ZNRF3: variants seen among roughly 807,000 people sequenced by gnomAD.
ZNRF3 encodes the protein E3 ubiquitin-protein ligase ZNRF3.
ZNRF3 carries 23 observed loss-of-function variants against 72.5 expected under a neutral mutation model. The observed-to-expected ratio is 0.32, with a 90% CI of 0.23 to 0.45. The LOEUF (loss-of-function observed/expected upper bound fraction) is 0.45, where lower values mean the gene tolerates loss of function less well. ZNRF3 is among the 20% of genes least tolerant of loss of function. The pLI is 1.00. For synonymous variants in ZNRF3, 610 were observed against 545.3 expected (o/e 1.12, Z -1.65); for missense variants, 1,169 against 1,272.1 (o/e 0.92, Z 1.23).
At chr22:29,027,865 T>C (rs1358375415) in intron 2 of ZNRF3, among the ~76,000 whole-genome samples, 1 of 152,150 alleles carries the variant, frequency 6.6e-6, no homozygotes, top group African/African-American at 2.4e-5. Context: ...GCTCTTCCAC[T>C]ATAGCAGTGC....
rs745787026 is a variant in ZNRF3 at position 29,042,586 on chromosome 22, A to T, written c.501+17A>T. On this transcript the variant is annotated intron_variant, in intron 3 of 8. Coordinates refer to ENST00000544604, the MANE Select transcript of ZNRF3 (RefSeq NM_001206998.2). ...ATTGATCAGGTAAGCTCCTCAGGCCATGCCAACACTGCAGCCTCCCTGAGA... is the reference window on the plus strand; with the variant it reads ...ATTGATCAGGTAAGCTCCTCAGGCCTTGCCAACACTGCAGCCTCCCTGAGA... 3 of 1,611,692 alleles carry T rather than the reference A, an allele frequency of 1.9e-6. No individual in the cohort carries two copies. Among genetic ancestry groups the T allele is most frequent in the South Asian group, 2.2e-5 (2 of 90,922 alleles).
chr22:28,917,126 G>A (rs966884169), intron 1 of ZNRF3, among the ~76,000 whole-genome samples: 2 of 152,162 alleles, frequency 1.3e-5, no homozygotes, highest in Admixed American at 6.5e-5. Context: ...GCCTAGAAGC[G>A]TCGGCCAGGT....
At chr22:29,051,007 T>G in intron 8 of ZNRF3, 59 bp downstream of exon 8, 1 of 1,483,986 alleles carries the variant, frequency 6.7e-7, no homozygotes, top group Non-Finnish European at 8.9e-7. Context: ...TCGTCTTGTC[T>G]TCTGTCTTAG....
chr22:29,033,626 G>A (rs1170220588), intron 2 of ZNRF3, among the ~76,000 whole-genome samples: 2 of 152,176 alleles, frequency 1.3e-5, no homozygotes, highest in East Asian at 3.9e-4. Flanking sequence ...CTGGTGTCCT[G>A]GCCAGGGTGG....
chr22:29,045,557 C>T (rs752730770), intron 5 of ZNRF3, among the ~76,000 whole-genome samples: 29 of 152,222 alleles, frequency 1.9e-4, no homozygotes, highest in African/African-American at 6.0e-4. Context: ...GGCATGATCT[C>T]GGCTCACTGC....
intron 1 of ZNRF3, among the ~76,000 whole-genome samples, chr22:28,937,173 TAATATATATA>T (rs2034836057): frequency 1.0e-5 from 1 of 95,516 alleles, no homozygotes; most frequent in African/African-American, 5.6e-5. Context: ...TTCTCTCTTA[TAATATATATA>T]TATATATATA....
intron 1 of ZNRF3, among the ~76,000 whole-genome samples, chr22:28,885,433 T>TA (rs370775745): frequency 6.3e-4 from 96 of 152,218 alleles, no homozygotes; most frequent in African/African-American, 2.2e-3. Context: ...CTTTTGGACT[T>TA]AAAAAAAGTT....
chr22:28,996,559 T>C (rs978890391), intron 2 of ZNRF3, among the ~76,000 whole-genome samples: 3 of 152,212 alleles, frequency 2.0e-5, no homozygotes, highest in Non-Finnish European at 4.4e-5. Context: ...AGAGCTTAGC[T>C]GGGTTAGAGA....
chr22:28,954,520 C>T (rs1414280915), intron 1 of ZNRF3, among the ~76,000 whole-genome samples: 1 of 152,178 alleles, frequency 6.6e-6, no homozygotes, highest in African/African-American at 2.4e-5. Context: ...CCAATTCAGT[C>T]CACAGCAGTC....
At chr22:29,016,030 C>A (rs6005957) in intron 2 of ZNRF3, among the ~76,000 whole-genome samples, 73,665 of 136,684 alleles carry the variant, frequency 0.54, 19,697 homozygotes, top group African/African-American at 0.59. Context: ...AAAAAAAAAA[C>A]AAAAAAACTG....
At chr22:29,020,779 GT>G (rs768669590) in intron 2 of ZNRF3, among the ~76,000 whole-genome samples, 13 of 127,726 alleles carry the variant, frequency 1.0e-4, no homozygotes, top group East Asian at 2.7e-4. Flanking sequence ...GTGTGTGGGT[GT>G]GTGTGTGTGT....
At chr22:28,917,897 G>A (rs902029195) in intron 1 of ZNRF3, among the ~76,000 whole-genome samples, 1 of 152,210 alleles carries the variant, frequency 6.6e-6, no homozygotes, top group African/African-American at 2.4e-5. Context: ...AGGTTTTGTG[G>A]TGGTAGCTTT....
chr22:29,007,572 G>C (rs1214715449), intron 2 of ZNRF3, among the ~76,000 whole-genome samples: 1 of 151,932 alleles, frequency 6.6e-6, no homozygotes, highest in African/African-American at 2.4e-5. Context: ...AGGCTGCAGT[G>C]AGCTGAGCTG....
intron 1 of ZNRF3, among the ~76,000 whole-genome samples, chr22:28,963,806 TG>T (rs2035409148): frequency 6.6e-6 from 1 of 152,194 alleles, no homozygotes; most frequent in South Asian, 2.1e-4. Context: ...AAGAGTGGAC[TG>T]GGAAGGTCAT....
chr22:28,927,023 G>A (rs1260403357), intron 1 of ZNRF3, among the ~76,000 whole-genome samples: 2 of 151,596 alleles, frequency 1.3e-5, no homozygotes, highest in South Asian at 4.2e-4. Context: ...AAGAGGCTGA[G>A]GTGGGAGAAT....
chr22:28,934,815 C>T (rs1319588034), intron 1 of ZNRF3, among the ~76,000 whole-genome samples: 1 of 127,216 alleles, frequency 7.9e-6, no homozygotes, highest in East Asian at 2.3e-4. Flanking sequence ...AAGACTCTGT[C>T]TCAAAAAAAA....
chr22:28,929,341 A>G (rs2034664543), intron 1 of ZNRF3, among the ~76,000 whole-genome samples: 1 of 152,166 alleles, frequency 6.6e-6, no homozygotes. Context: ...TTGGAACTGG[A>G]TAATTTTTTT....
intron 1 of ZNRF3, among the ~76,000 whole-genome samples, chr22:28,908,373 G>A (rs905486041): frequency 2.6e-5 from 4 of 152,204 alleles, no homozygotes; most frequent in Non-Finnish European, 4.4e-5. Context: ...TGCCAATCAT[G>A]CTGTAGAGAA....
chr22:28,901,147 A>G (rs2034094765), intron 1 of ZNRF3, among the ~76,000 whole-genome samples: 1 of 152,070 alleles, frequency 6.6e-6, no homozygotes, highest in Admixed American at 6.6e-5. Context: ...TTTTTTTTTA[A>G]ATGCAGAAAA....
Sources: gnomAD v4.1 joint callset for allele counts (sites outside exome capture counted in the v4.1 genomes callset) on GRCh38, gnomAD v4.1.1 for gene constraint, MANE v1.5 for transcripts, NCBI Gene and HGNC (gene_info 2026-07-23, HGNC 2026-07-21) for gene names.